COMMD8: variants seen among roughly 807,000 people sequenced by gnomAD.
The protein encoded by COMMD8 is COMM domain-containing protein 8.
Under a neutral mutation model 27.2 loss-of-function variants are expected in COMMD8, and 28 were observed. The ratio of observed to expected loss-of-function variants is 1.03; its 90% CI spans 0.76 to 1.41. The LOEUF (loss-of-function observed/expected upper bound fraction) is 1.41, where lower values mean the gene tolerates loss of function less well. Among genes scored for constraint, COMMD8 ranks in the 40% most tolerant of loss-of-function variants. The pLI is 0.00. For missense variants in COMMD8, 217 were observed against 211.2 expected (o/e 1.03, Z -0.17); for synonymous variants, 79 against 75.5 (o/e 1.05, Z -0.24).
intron 1 of COMMD8, among the ~76,000 whole-genome samples, chr4:47,462,319 T>C (rs997923757): frequency 2.6e-5 from 4 of 151,330 alleles, no homozygotes; most frequent in African/African-American, 9.7e-5. Context: ...GTAGAAGAGA[T>C]GTGAAAAGGG....
intron 4 of COMMD8, 148 bp downstream of exon 4, chr4:47,452,911 G>A (rs984170462): frequency 5.1e-5 from 30 of 588,528 alleles, no homozygotes; most frequent in African/African-American, 4.5e-4. Context: ...CACGAGAATC[G>A]CTTGAACTCG....
At chr4:47,453,352 T>G (rs2109353257) in intron 3 of COMMD8, 138 bp from the exon 4 acceptor site, 1 of 635,688 alleles carries the variant, frequency 1.6e-6, no homozygotes, top group South Asian at 2.3e-5. Context: ...AGAAATAAAT[T>G]AAGTCCATGC....
chr4:47,463,071 C>G (rs1265405372), intron 1 of COMMD8, among the ~76,000 whole-genome samples: 1 of 152,218 alleles, frequency 6.6e-6, no homozygotes, highest in Non-Finnish European at 1.5e-5. Context: ...TTCTTACAAG[C>G]CAGGTTCTTT....
chr4:47,458,215 A>G (rs1284174672), intron 2 of COMMD8, among the ~76,000 whole-genome samples: 8 of 152,082 alleles, frequency 5.3e-5, no homozygotes, highest in African/African-American at 1.9e-4. Flanking sequence ...GAATAGATAT[A>G]TATCTACTAT....
intron 1 of COMMD8, among the ~76,000 whole-genome samples, chr4:47,461,415 G>A (rs1334324799): frequency 2.6e-5 from 4 of 151,842 alleles, no homozygotes; most frequent in Non-Finnish European, 4.4e-5. Context: ...CCAAATGGTG[G>A]CTAATATACT....
chr4:47,460,278 C>A lies in COMMD8; in HGVS notation c.88G>T (p.Gly30Cys). 6.2e-7 allele frequency: 1 copy of A among 1,609,894 alleles called. No individual in the cohort carries two copies. Among genetic ancestry groups the A allele is most frequent in the Non-Finnish European group, 8.5e-7 (1 of 1,178,556 alleles). Reference sequence around the variant, plus strand: ...ACAGGATAAGCTCGACCACAAATGCCATCAATTATTTTGTGAAGAAGCTAG... The same window carrying A: ...ACAGGATAAGCTCGACCACAAATGCAATCAATTATTTTGTGAAGAAGCTAG... ...GPQLLHKIID[G>C]ICGRAYPVYQ... The change falls in exon 2 of 5, where the codon GGC becomes TGC. Residue 30 changes from glycine to cysteine, a missense_variant. Gly to Cys is a radical substitution (Grantham distance 159). Transcript: ENST00000381571.
intron 2 of COMMD8, among the ~76,000 whole-genome samples, chr4:47,456,981 C>CTGTA (rs1254032035): frequency 6.6e-6 from 1 of 152,216 alleles, no homozygotes; most frequent in East Asian, 1.9e-4. Context: ...AACACCAAAG[C>CTGTA]TGATACCACC....
intron 1 of COMMD8, among the ~76,000 whole-genome samples, chr4:47,461,522 A>G (rs1730024820): frequency 6.6e-6 from 1 of 152,150 alleles, no homozygotes; most frequent in Non-Finnish European, 1.5e-5. Flanking sequence ...CCCATGCTAA[A>G]AAAAAAACCC....
chr4:47,460,112 T>C (rs1729984900), intron 2 of COMMD8, 32 bp downstream of exon 2: 1 of 1,582,594 alleles, frequency 6.3e-7, no homozygotes, highest in African/African-American at 1.4e-5. Context: ...GCATTATTTA[T>C]TGTAAGTTAT....
chr4:47,452,282 C>A (rs888714013), intron 4 of COMMD8, among the ~76,000 whole-genome samples: 3 of 152,150 alleles, frequency 2.0e-5, no homozygotes, highest in Non-Finnish European at 4.4e-5. Context: ...TTCTGTCTTG[C>A]CTCAACCTGA....
chr4:47,462,412 G>A (rs564076462), intron 1 of COMMD8, among the ~76,000 whole-genome samples: 2 of 152,234 alleles, frequency 1.3e-5, no homozygotes, highest in East Asian at 1.9e-4. Context: ...ATGAGGCTAC[G>A]GGAGGAGTAG....
chr4:47,463,647 T>C lies in COMMD8; in HGVS notation c.5A>G (p.Glu2Gly). The change falls in exon 1 of 5, where the codon GAG becomes GGG. Residue 2 changes from glutamate (E) to glycine (G), a missense_variant. Physicochemically the swap from Glu to Gly is moderately conservative, Grantham distance 98 (BLOSUM62 -2). Coordinates refer to ENST00000381571, the MANE Select transcript of COMMD8 (RefSeq NM_017845.5). ...CCACAAGGGCGTCCCCTCTTCCGGC[T>C]CCATCCCTGCGCGAAGCTGGGGCTT... M[E>G]PEEGTPLWRL... 6.5e-7 allele frequency: 1 copy of C among 1,549,104 alleles called. No homozygotes were observed.
At chr4:47,453,472 G>T (rs1447983061) in intron 3 of COMMD8, among the ~76,000 whole-genome samples, 1 of 152,190 alleles carries the variant, frequency 6.6e-6, no homozygotes, top group East Asian at 1.9e-4. Context: ...CAGGTGTCTA[G>T]ATCAGAGTCA....
chr4:47,452,291 G>A (rs2109352583), intron 4 of COMMD8, among the ~76,000 whole-genome samples: 1 of 152,226 alleles, frequency 6.6e-6, no homozygotes, highest in East Asian at 1.9e-4. Flanking sequence ...GCCTCAACCT[G>A]ATTTTGTCAT....
intron 3 of COMMD8, among the ~76,000 whole-genome samples, chr4:47,456,267 CATATATATATATATATATATATAT>C (rs34279197): frequency 6.7e-5 from 8 of 119,018 alleles, no homozygotes; most frequent in Non-Finnish European, 1.0e-4. Context: ...ATAAATTATA[CATATATATATATATATATATATAT>C]ATATATATAT....
chr4:47,451,958 ATGTT>A (rs1433700357), intron 4 of COMMD8, among the ~76,000 whole-genome samples: 1 of 152,202 alleles, frequency 6.6e-6, no homozygotes, highest in Non-Finnish European at 1.5e-5. Context: ...AAGCACTACA[ATGTT>A]TGAGCAAATG....
chr4:47,457,598 A>G (rs1729927459), intron 2 of COMMD8, among the ~76,000 whole-genome samples: 1 of 152,176 alleles, frequency 6.6e-6, no homozygotes, highest in South Asian at 2.1e-4. Context: ...TTGGCAAACC[A>G]CGACAGATCT....
intron 2 of COMMD8, among the ~76,000 whole-genome samples, chr4:47,458,521 G>C (rs1433795878): frequency 1.3e-5 from 2 of 152,024 alleles, no homozygotes; most frequent in Non-Finnish European, 2.9e-5. Context: ...TACAAAATAC[G>C]AGAGAGACAA....
intron 1 of COMMD8, among the ~76,000 whole-genome samples, chr4:47,461,000 T>C (rs577099034): frequency 9.2e-5 from 14 of 152,334 alleles, no homozygotes; most frequent in African/African-American, 3.4e-4. Context: ...ATTTTCAAGT[T>C]TTATTTAAAT....
Sources: gnomAD v4.1 joint callset for allele counts (sites outside exome capture counted in the v4.1 genomes callset) on GRCh38, gnomAD v4.1.1 for gene constraint, MANE v1.5 for transcripts, NCBI Gene and HGNC (gene_info 2026-07-23, HGNC 2026-07-21) for gene names.